Variants in UBXN7 observed in about 807,000 individuals in gnomAD.
UBXN7 encodes the protein UBX domain protein 7.
In UBXN7, 9 loss-of-function variants were observed where a neutral mutation model predicts 58.0. The observed-to-expected ratio is 0.16, with a 90% CI of 0.09 to 0.27. UBXN7 has a LOEUF of 0.27. Among genes scored for constraint, UBXN7 ranks in the 10% least tolerant of loss-of-function variants. The pLI is 1.00. For synonymous variants in UBXN7, 208 were observed against 205.0 expected (o/e 1.01, Z -0.12); for missense variants, 328 against 599.6 (o/e 0.55, Z 4.73).
intron 7 of UBXN7, 72 bp downstream of exon 7, chr3:196,369,349 T>A: frequency 8.3e-7 from 1 of 1,211,818 alleles, no homozygotes; most frequent in Non-Finnish European, 1.2e-6. Flanking sequence ...CAGTCAAATA[T>A]TAAAGATCAA....
chr3:196,387,820 T>C (rs1027743080), intron 5 of UBXN7, among the ~76,000 whole-genome samples: 3 of 152,022 alleles, frequency 2.0e-5, no homozygotes, highest in African/African-American at 7.3e-5. Context: ...TGTAGAGAAA[T>C]AGGGACGCTT....
chr3:196,412,114 C>T (rs550681706), intron 1 of UBXN7, among the ~76,000 whole-genome samples: 2 of 150,632 alleles, frequency 1.3e-5, no homozygotes, highest in Admixed American at 6.6e-5. Context: ...CTAATAGCTC[C>T]CAGCTATTAG....
At chr3:196,415,296 G>A (rs1730447330) in intron 1 of UBXN7, among the ~76,000 whole-genome samples, 1 of 150,948 alleles carries the variant, frequency 6.6e-6, no homozygotes, top group South Asian at 2.1e-4. Context: ...TGGGACAATA[G>A]GCGCACGCCA....
chr3:196,403,926 C>T (rs946659717), intron 2 of UBXN7, among the ~76,000 whole-genome samples: 8 of 151,978 alleles, frequency 5.3e-5, no homozygotes, highest in Non-Finnish European at 1.0e-4. Context: ...TTTAGATATA[C>T]TGTAAAAATG....
intron 3 of UBXN7, among the ~76,000 whole-genome samples, chr3:196,401,837 G>GAAGAGAAGAGAA (rs1730003170): frequency 6.8e-6 from 1 of 146,500 alleles, no homozygotes; most frequent in African/African-American, 2.6e-5. Flanking sequence ...GAAGAGAAGA[G>GAAGAGAAGAGAA]AAGAGAAGAG....
chr3:196,415,410 C>A (rs1730450825), intron 1 of UBXN7, among the ~76,000 whole-genome samples: 1 of 149,666 alleles, frequency 6.7e-6, no homozygotes. Context: ...CCTCAGCCTC[C>A]CAAAGTGCTG....
At position 196,355,615 on chromosome 3, in the gene UBXN7, AT is replaced by A. The variant is rs1209854243; in HGVS notation, c.*1069del. The A allele has an allele frequency of 1.3e-5, 2 of 152,250 alleles. No individual in the cohort carries two copies. The highest frequency in any genetic ancestry group is 3.8e-4 in the East Asian group (2 of 5,200). The allele number at this position is 152,250 out of a possible 1,614,324, so 9.4% of individuals were successfully genotyped here. A position where few individuals can be genotyped will look rare whatever the true frequency, so the allele number is the denominator to read the frequency against. The stretch of plus-strand genomic sequence containing the variant: ...CAGTCACCAGAGCCTTTTAGAGACT[AT>A]TCCAACCAGGGGCAAAAAATGAACC... On this transcript the variant is annotated 3_prime_UTR_variant, in exon 11 of 11. Coordinates refer to ENST00000296328, the MANE Select transcript of UBXN7 (RefSeq NM_015562.2).
At position 196,429,155 on chromosome 3, in the gene UBXN7, G is replaced by A. The variant is rs183873733; in HGVS notation, c.73+3172C>T. 2.1e-4 allele frequency among the ~76,000 whole-genome samples: 32 copies of A among 152,066 alleles called. No homozygotes were observed. In the East Asian group the frequency reaches 2.9e-3, roughly 14 times the overall value. On this transcript the variant is annotated intron_variant, in intron 1 of 10. Transcript: ENST00000296328. ...ATCCCAGATAACACGGTGAAACCCCGTCTCTACTAAAAATACAAAAAATTA... is the reference window on the plus strand; with the variant it reads ...ATCCCAGATAACACGGTGAAACCCCATCTCTACTAAAAATACAAAAAATTA...
At chr3:196,376,299 T>G (rs950254207) in intron 5 of UBXN7, among the ~76,000 whole-genome samples, 5 of 152,006 alleles carry the variant, frequency 3.3e-5, no homozygotes, top group African/African-American at 9.6e-5. Context: ...TCACAGCACT[T>G]TGGGAGGCCG....
chr3:196,422,725 G>C (rs1052636336), intron 1 of UBXN7, among the ~76,000 whole-genome samples: 3 of 152,068 alleles, frequency 2.0e-5, no homozygotes, highest in Non-Finnish European at 2.9e-5. Context: ...CAGCTTCTTA[G>C]AAAGTTAATA....
At chr3:196,356,980 C>A in intron 10 of UBXN7, 134 bp from the exon 11 acceptor site, 1 of 1,198,332 alleles carries the variant, frequency 8.3e-7, no homozygotes, top group Non-Finnish European at 1.1e-6. Context: ...TTTCATATAA[C>A]CAAAGCTTGC....
rs1728217338 is a variant in UBXN7 at position 196,351,648 on chromosome 3, T to C, written c.*5037A>G. On this transcript the variant is annotated 3_prime_UTR_variant, in exon 11 of 11. Transcript: ENST00000296328. The stretch of plus-strand genomic sequence containing the variant: ...TGTTCTAGAAAAGGCTGAGAACTAT[T>C]AATCTAGTCCAATTATCTCATTTTT... 6.6e-6 allele frequency: 1 copy of C among 152,186 alleles called. No individual in the cohort carries two copies. The highest frequency in any genetic ancestry group is 2.4e-5 in the African/African-American group (1 of 41,444). The allele number at this position is 152,186 out of a possible 1,614,324, so 9.4% of individuals were successfully genotyped here. A position where few individuals can be genotyped will look rare whatever the true frequency, so the allele number is the denominator to read the frequency against.
At chr3:196,373,804 T>G (rs1031590560) in intron 5 of UBXN7, among the ~76,000 whole-genome samples, 2 of 152,188 alleles carry the variant, frequency 1.3e-5, no homozygotes, top group African/African-American at 4.8e-5. Flanking sequence ...ATGATCCTCC[T>G]GCCCTGGCCT....
intron 1 of UBXN7, among the ~76,000 whole-genome samples, chr3:196,426,427 T>G (rs1231743896): frequency 6.6e-6 from 1 of 151,788 alleles, no homozygotes. Flanking sequence ...TATTCCCTAT[T>G]GAAACTATTC....
intron 2 of UBXN7, among the ~76,000 whole-genome samples, chr3:196,403,479 T>C (rs183046316): frequency 3.7e-4 from 56 of 152,272 alleles, no homozygotes; most frequent in Non-Finnish European, 3.8e-4. Flanking sequence ...GAGTTTTAGA[T>C]AGTTTCCACA....
intron 6 of UBXN7, among the ~76,000 whole-genome samples, chr3:196,371,354 T>C (rs186447823): frequency 7.9e-5 from 12 of 152,346 alleles, no homozygotes; most frequent in Admixed American, 7.2e-4. Context: ...TATAGATATA[T>C]TGATTTAACC....
At chr3:196,409,691 T>C (rs750249099) in intron 1 of UBXN7, among the ~76,000 whole-genome samples, 5 of 152,150 alleles carry the variant, frequency 3.3e-5, no homozygotes, top group East Asian at 1.9e-4. Context: ...TTCATCTCCA[T>C]ACATCCCCTC....
intron 1 of UBXN7, among the ~76,000 whole-genome samples, chr3:196,413,822 T>C (rs566522214): frequency 1.3e-5 from 2 of 152,316 alleles, no homozygotes; most frequent in East Asian, 1.9e-4. Flanking sequence ...GTTCTTCATA[T>C]AAAATGGTAC....
At chr3:196,404,497 C>T (rs758031714) in intron 2 of UBXN7, among the ~76,000 whole-genome samples, 3 of 152,082 alleles carry the variant, frequency 2.0e-5, no homozygotes, top group South Asian at 4.1e-4. Context: ...CTCCTGACCT[C>T]GTGATCCGCC....
Sources: allele counts gnomAD v4.1 joint callset (sites outside exome capture counted in the v4.1 genomes callset), GRCh38; gene constraint gnomAD v4.1.1; transcripts MANE v1.5; gene names NCBI Gene and HGNC (gene_info 2026-07-23, HGNC 2026-07-21).